HIVEP2: variants seen among roughly 807,000 people sequenced by gnomAD.
HIVEP2 encodes transcription factor HIVEP2.
Under a neutral mutation model 180.7 loss-of-function variants are expected in HIVEP2, and 14 were observed. The observed-to-expected ratio is 0.08, with a 90% confidence interval of 0.05 to 0.12. The LOEUF is 0.12. Ranked by LOEUF, HIVEP2 falls within the 10% of genes least tolerant of loss-of-function variation. HIVEP2 has a pLI of 1.00. For missense variants in HIVEP2, 2,579 were observed against 3,008.5 expected (o/e 0.86, Z 3.34); for synonymous variants, 1,184 against 1,136.4 (o/e 1.04, Z -0.84).
intron 1 of HIVEP2, among the ~76,000 whole-genome samples, chr6:142,843,983 T>C (rs968753519): frequency 6.6e-6 from 1 of 152,212 alleles, no homozygotes. Flanking sequence ...ACTTGAATTT[T>C]ACTTTTATTA....
chr6:142,925,020 G>A (rs112894301), intron 1 of HIVEP2, among the ~76,000 whole-genome samples: 11,790 of 152,064 alleles, frequency 0.078, 1,479 homozygotes, highest in African/African-American at 0.26. Flanking sequence ...TGGGTCCTCT[G>A]CCTTCTGTCT....
At chr6:142,837,220 T>G (rs198648) in intron 1 of HIVEP2, among the ~76,000 whole-genome samples, 173 bp from the exon 2 acceptor site, 23,027 of 152,070 alleles carry the variant, frequency 0.15, 3,189 homozygotes, top group African/African-American at 0.38. Context: ...TTAAGTTAAA[T>G]TTTCCAGTTT....
chr6:142,799,895 T>C (rs1582870843), intron 2 of HIVEP2, among the ~76,000 whole-genome samples: 1 of 152,186 alleles, frequency 6.6e-6, no homozygotes, highest in African/African-American at 2.4e-5. Context: ...GAAATTTTCC[T>C]TGCTCATTTG....
chr6:142,838,916 T>A (rs1562259196), intron 1 of HIVEP2, among the ~76,000 whole-genome samples: 1 of 152,050 alleles, frequency 6.6e-6, no homozygotes, highest in Non-Finnish European at 1.5e-5. Context: ...TTTTCACCTG[T>A]ATTGCAGCAA....
Position 142,759,771 on chromosome 6 carries a change from CAGG to C in HIVEP2, c.6514_6516del (p.Pro2172del). ...TAGAAAGAAAAGTGGATTATACTTA[CAGG>C]AGGCCCCAATACAATTGGCTCTGCT... On this transcript the variant is annotated inframe_deletion and splice_region_variant, in exon 9 of 10. Coordinates refer to ENST00000367603, the MANE Select transcript of HIVEP2 (RefSeq NM_006734.4). 4.4e-6 allele frequency: 7 copies of C among 1,591,938 alleles called. No individual in the cohort carries two copies. The highest frequency in any genetic ancestry group is 6.0e-6 in the Non-Finnish European group (7 of 1,172,022).
rs1778220710 is a variant in HIVEP2 at position 142,943,157 on chromosome 6, CAG to C, written c.-641+1940_-641+1941del. The stretch of plus-strand genomic sequence containing the variant: ...ATGAAAATGATACCCACTTTAGTCA[CAG>C]AAAGGACATTTCTGTTCTGATAAAC... On this transcript the variant is annotated intron_variant, in intron 1 of 9. Coordinates refer to ENST00000367603, the MANE Select transcript of HIVEP2 (RefSeq NM_006734.4). The surrounding 1 kb of genome is among the most constrained non-coding windows in gnomAD (Gnocchi z 4.5). Among the ~76,000 whole-genome samples the C allele has an allele frequency of 6.6e-6, 1 of 152,120 alleles. No individual in the cohort carries two copies. Among genetic ancestry groups the C allele is most frequent in the South Asian group, 2.1e-4 (1 of 4,828 alleles).
intron 1 of HIVEP2, among the ~76,000 whole-genome samples, chr6:142,871,746 G>A (rs1776295120): frequency 6.6e-6 from 1 of 152,034 alleles, no homozygotes; most frequent in South Asian, 2.1e-4. Flanking sequence ...CAGTTATAAT[G>A]ACTTAGTTTG....
intron 1 of HIVEP2, among the ~76,000 whole-genome samples, chr6:142,933,027 T>A (rs903050255): frequency 3.9e-5 from 6 of 152,118 alleles, no homozygotes; most frequent in African/African-American, 1.2e-4. Flanking sequence ...ACAAATTGTA[T>A]CACAATGAAA....
chr6:142,875,338 G>A (rs958709724), intron 1 of HIVEP2, among the ~76,000 whole-genome samples: 1 of 152,178 alleles, frequency 6.6e-6, no homozygotes, highest in African/African-American at 2.4e-5. Context: ...TGGGAATGGG[G>A]TGTGTAGAGG....
In HIVEP2 at chr6:142,770,079, G is replaced by T. The variant is rs1459948322; in HGVS notation, c.4660C>A (p.Gln1554Lys). ...CTTTCAGAAGGCCCACTGGACTTCT[G>T]CCCCGGAAGTGGTGCCCGGGAACCG... ...LSGSRAPLPG[Q>K]KSSGPSESKE... The change falls in exon 5 of 10, where the codon CAG becomes AAG. Residue 1554 changes from glutamine to lysine, a missense_variant. Coordinates refer to ENST00000367603, the MANE Select transcript of HIVEP2 (RefSeq NM_006734.4). The surrounding 1 kb of genome is among the most constrained non-coding windows in gnomAD (Gnocchi z 4.7). The T allele has an allele frequency of 6.2e-7, 1 of 1,614,076 alleles. No individual in the cohort carries two copies. Among genetic ancestry groups the T allele is most frequent in the African/African-American group, 1.3e-5 (1 of 74,940 alleles).
At position 142,896,306 on chromosome 6, in the gene HIVEP2, T is replaced by C. The variant is rs9403413; in HGVS notation, c.-641+48793A>G. On this transcript the variant is annotated intron_variant, in intron 1 of 9. Coordinates refer to ENST00000367603, the MANE Select transcript of HIVEP2 (RefSeq NM_006734.4). ...TCCTCCTCCTCCTGCTCTGGGTTTC[T>C]TTCACTATTGTCTCTGAATTCCACT... is the stretch of plus-strand genomic sequence containing the variant. 8.4e-3 allele frequency among the ~76,000 whole-genome samples: 1,274 copies of C among 152,314 alleles called. 80 individuals carry two copies. The East Asian group carries it at 0.17, about 20-fold the overall frequency.
At chr6:142,827,005 G>A (rs12194419) in intron 2 of HIVEP2, among the ~76,000 whole-genome samples, 29,502 of 151,974 alleles carry the variant, frequency 0.19, 3,751 homozygotes, top group Middle Eastern at 0.29. Context: ...TTGTAAACAC[G>A]CTCACTCTCC....
intron 2 of HIVEP2, among the ~76,000 whole-genome samples, chr6:142,787,293 C>CT (rs1776024951): frequency 6.6e-6 from 1 of 151,846 alleles, no homozygotes; most frequent in Admixed American, 6.6e-5. Flanking sequence ...GAAAATAATT[C>CT]TTATAAACTC....
intron 1 of HIVEP2, 134 bp from the exon 2 acceptor site, chr6:142,837,181 A>G (rs1197424524): frequency 2.0e-5 from 3 of 152,144 alleles, no homozygotes; most frequent in African/African-American, 7.2e-5. Context: ...TGCTACTTAA[A>G]GCTATCAAAC....
intron 6 of HIVEP2, among the ~76,000 whole-genome samples, chr6:142,767,803 T>C (rs1775411804): frequency 6.6e-6 from 1 of 152,178 alleles, no homozygotes; most frequent in South Asian, 2.1e-4. Flanking sequence ...AAGAAATTCC[T>C]AAATACAGAG....
intron 1 of HIVEP2, among the ~76,000 whole-genome samples, chr6:142,941,810 T>C (rs1022466631): frequency 6.6e-6 from 1 of 152,302 alleles, no homozygotes; most frequent in South Asian, 2.1e-4. Context: ...CACATATAAA[T>C]CCATGAACTG....
At chr6:142,779,290 T>C (rs542350748) in intron 3 of HIVEP2, among the ~76,000 whole-genome samples, 7 of 152,224 alleles carry the variant, frequency 4.6e-5, no homozygotes, top group Admixed American at 4.6e-4. Flanking sequence ...TTTTCTATCT[T>C]TTGGTTGACA....
chr6:142,872,388 C>A (rs1776312521), intron 1 of HIVEP2, among the ~76,000 whole-genome samples: 1 of 152,160 alleles, frequency 6.6e-6, no homozygotes, highest in Non-Finnish European at 1.5e-5. Context: ...CAACAAAGAA[C>A]AAAGCCTAAA....
At chr6:142,800,930 G>A (rs907789503) in intron 2 of HIVEP2, among the ~76,000 whole-genome samples, 16 of 152,094 alleles carry the variant, frequency 1.1e-4, no homozygotes, top group Admixed American at 7.9e-4. Context: ...GTAAATAATG[G>A]CATTTCTTGA....
Sources: allele counts gnomAD v4.1 joint callset (sites outside exome capture counted in the v4.1 genomes callset), GRCh38; gene constraint gnomAD v4.1.1; non-coding constraint Gnocchi (gnomAD v3.1); transcripts MANE v1.5; gene names NCBI Gene and HGNC (gene_info 2026-07-23, HGNC 2026-07-21).